The following LENG9 variants were observed in gnomAD, a reference collection of about 807,000 sequenced individuals.
LENG9 encodes leukocyte receptor cluster (LRC) member 9.
For synonymous variants in LENG9, 410 were observed against 303.9 expected, an observed-to-expected ratio of 1.35 and a Z score of -3.63; for missense variants, 872 against 652.7, an observed-to-expected ratio of 1.34 and a Z score of -3.66.
At position 54,463,567 on chromosome 19, in the gene LENG9, G is replaced by A; in HGVS notation, c.-41C>T. 2.2e-6 allele frequency: 3 copies of A among 1,370,594 alleles called. No individual in the cohort carries two copies. The highest frequency in any genetic ancestry group is 1.9e-6 in the Non-Finnish European group (2 of 1,056,734). The allele number at this position is 1,370,594 out of a possible 1,614,324, so 84.9% of individuals were successfully genotyped here. On this transcript the variant is annotated 5_prime_UTR_variant, in exon 1 of 1. Coordinates refer to ENST00000611161, the MANE Select transcript of LENG9 (RefSeq NM_001301782.2). ...GCACGCCCGCCGCGCAGACGAGGTC[G>A]CCCCGCACGGAGGGCGGCTCCCCTT...
At position 54,462,685 on chromosome 19, in the gene LENG9, T is replaced by A. The variant is rs757843240; in HGVS notation, c.842A>T (p.Glu281Val). The A allele has an allele frequency of 1.2e-6, 2 of 1,611,524 alleles. No individual in the cohort carries two copies. The highest frequency in any genetic ancestry group is 1.7e-6 in the Non-Finnish European group (2 of 1,179,984). ...EAEWGPAAWPEDKRARLSVAA... is the reference protein window; with the variant it reads ...EAEWGPAAWPVDKRARLSVAA... ...AACACTAAGGCGGGCCCTTTTGTCC[T>A]CGGGCCAGGCCGCAGGACCCCACTC... is the stretch of plus-strand genomic sequence containing the variant. Residue 281 changes from glutamate to valine, a missense_variant, in exon 1 of 1, where the codon GAG becomes GTG. Physicochemically the swap from Glu to Val is moderately radical, Grantham distance 121. Transcript: ENST00000611161.
At position 54,463,588 on chromosome 19, in the gene LENG9, C is replaced by A; in HGVS notation, c.-62G>T. On this transcript the variant is annotated 5_prime_UTR_variant, in exon 1 of 1. Coordinates refer to ENST00000611161, the MANE Select transcript of LENG9 (RefSeq NM_001301782.2). ...GGTCGCCCCGCACGGAGGGCGGCTC[C>A]CCTTGGATGCACCGAGCCTCACCCG... The A allele has an allele frequency of 1.5e-6, 2 of 1,332,856 alleles. No homozygotes were observed. The highest frequency in any genetic ancestry group is 1.8e-5 in the South Asian group (1 of 56,160). The allele number at this position is 1,332,856 out of a possible 1,614,324, so 82.6% of individuals were successfully genotyped here.
In LENG9 at chr19:54,462,282, T is replaced by C. The variant is rs768517227; in HGVS notation, c.1245A>G (p.Leu415=). The change falls in exon 1 of 1, where the codon CTA becomes CTG. Residue 415 remains leucine, a synonymous_variant. Transcript: ENST00000611161. ...QRLEAEGLST[L]QSPGQLHPHL... Reference sequence around the variant, plus strand: ...GGGGGTGCAGCTGCCCTGGAGACTGTAGTGTACTCAGCCCCTCGGCTTCCA... The same window carrying C: ...GGGGGTGCAGCTGCCCTGGAGACTGCAGTGTACTCAGCCCCTCGGCTTCCA... The C allele has an allele frequency of 1.9e-6, 3 of 1,606,024 alleles. No homozygotes were observed. The highest frequency in any genetic ancestry group is 2.7e-5 in the African/African-American group (2 of 74,814).
In LENG9 at chr19:54,463,636, C is replaced by G. The variant is rs575095239; in HGVS notation, c.-110G>C. 1.0e-4 allele frequency: 128 copies of G among 1,255,028 alleles called. 1 individual carries two copies. In the Admixed American group the frequency reaches 1.7e-3, roughly 17 times the overall value. 77.7% of individuals were successfully genotyped at this position (1,255,028 alleles called of 1,614,324 possible). On this transcript the variant is annotated 5_prime_UTR_variant, in exon 1 of 1. Coordinates refer to ENST00000611161, the MANE Select transcript of LENG9 (RefSeq NM_001301782.2). ...CCGACAGTGGCGTCAGCGGCCCGCG[C>G]TCCGGCCTAGCTCTGGGGACCACGC...
Position 54,462,532 on chromosome 19 carries a change from A to G in LENG9, c.995T>C (p.Leu332Pro). The G allele has an allele frequency of 6.2e-7, 1 of 1,613,590 alleles. No homozygotes were observed. Among genetic ancestry groups the G allele is most frequent in the African/African-American group, 1.3e-5 (1 of 75,050 alleles). ...VHVAPHCANFLVPSQNLHLTL... is the reference protein window; with the variant it reads ...VHVAPHCANFPVPSQNLHLTL... ...CAGGTGTAGGTTCTGAGAGGGCACT[A>G]GGAAGTTGGCGCAGTGTGGGGCCAC... The change falls in exon 1 of 1, where the codon CTA becomes CCA. Residue 332 changes from leucine (L) to proline (P), a missense_variant. Physicochemically the swap from Leu to Pro is moderately conservative, Grantham distance 98. Coordinates refer to ENST00000611161, the MANE Select transcript of LENG9 (RefSeq NM_001301782.2).
In LENG9 at chr19:54,462,514, A is replaced by G; in HGVS notation, c.1013T>C (p.Leu338Pro). The change falls in exon 1 of 1, where the codon CTA becomes CCA. Residue 338 changes from leucine (L) to proline (P), a missense_variant. Coordinates refer to ENST00000611161, the MANE Select transcript of LENG9 (RefSeq NM_001301782.2). ...TCGCAGCAGGGCCAGGGTCAGGTGT[A>G]GGTTCTGAGAGGGCACTAGGAAGTT... Reference protein sequence around the residue: ...CANFLVPSQNLHLTLALLRLA... With the variant: ...CANFLVPSQNPHLTLALLRLA... 6.2e-7 allele frequency: 1 copy of G among 1,613,512 alleles called. No homozygotes were observed. The highest frequency in any genetic ancestry group is 1.1e-5 in the South Asian group (1 of 91,086).
In LENG9 at chr19:54,461,929, CCTT is replaced by C. The variant is rs2084590970; in HGVS notation, c.*158_*160del. The C allele has an allele frequency of 1.1e-6, 1 of 948,946 alleles. No homozygotes were observed. The highest frequency in any genetic ancestry group is 1.6e-5 in the African/African-American group (1 of 61,854). The allele number at this position is 948,946 out of a possible 1,614,324, so 58.8% of individuals were successfully genotyped here. On this transcript the variant is annotated 3_prime_UTR_variant, in exon 1 of 1. Coordinates refer to ENST00000611161, the MANE Select transcript of LENG9 (RefSeq NM_001301782.2). Reference sequence around the variant, plus strand: ...GCCTCCCCTTCCCCTCCTCTCCCCTCCTTTTCCTTCCTTCCTTCCTTTCCTTGG... The same window carrying C: ...GCCTCCCCTTCCCCTCCTCTCCCCTCTTCCTTCCTTCCTTCCTTTCCTTGG...
At position 54,463,376 on chromosome 19, in the gene LENG9, G is replaced by T; in HGVS notation, c.151C>A (p.Arg51Ser). 7.7e-7 allele frequency: 1 copy of T among 1,303,922 alleles called. No homozygotes were observed. Among genetic ancestry groups the T allele is most frequent in the Non-Finnish European group, 9.7e-7 (1 of 1,029,836 alleles). 80.8% of individuals were successfully genotyped at this position (1,303,922 alleles called of 1,614,324 possible). ...PHPGAPAPPG[R>S]EAQPEAGAKK... ...GCCCCGGCCTCCGGCTGCGCCTCGC[G>T]GCCAGGCGGCGCCGGCGCCCCAGGG... Residue 51 changes from arginine (R) to serine (S), a missense_variant, in exon 1 of 1, where the codon CGC (arginine) becomes AGC (serine). By Grantham distance (110) the Arg-to-Ser change is moderately radical. Coordinates refer to ENST00000611161, the MANE Select transcript of LENG9 (RefSeq NM_001301782.2).
At position 54,462,473 on chromosome 19, in the gene LENG9, C is replaced by T. The variant is rs35752413; in HGVS notation, c.1054G>A (p.Glu352Lys). Residue 352 changes from glutamate (E) to lysine (K), a missense_variant, in exon 1 of 1, where the codon GAG (glutamate) becomes AAG (lysine). Coordinates refer to ENST00000611161, the MANE Select transcript of LENG9 (RefSeq NM_001301782.2). ...AGAGCTCCAATGGCAGCGGCCTCCT[C>T]CCCAGCGCCTGCCAGTCGCAGCAGG... The part of the protein sequence containing the change: ...LALLRLAGAG[E>K]EAAAIGALRR... 15,835 of 1,613,422 alleles carry T rather than the reference C, an allele frequency of 9.8e-3. 100 individuals are homozygous for T. Among genetic ancestry groups the T allele is most frequent in the Non-Finnish European group, 0.012 (14,351 of 1,180,010 alleles).
In LENG9 at chr19:54,462,194, G is replaced by C. The variant is rs747723459; in HGVS notation, c.1333C>G (p.Leu445Val). The change falls in exon 1 of 1, where the codon CTC becomes GTC. Residue 445 changes from leucine (L) to valine (V), a missense_variant. Leu to Val is a conservative substitution (Grantham distance 32, BLOSUM62 1). Transcript: ENST00000611161. ...GGCTGGCACCCCACTTCCTGGCTGAGGGTGAACTCCAGCTTGGGGAGGTGG... is the reference window on the plus strand; with the variant it reads ...GGCTGGCACCCCACTTCCTGGCTGACGGTGAACTCCAGCTTGGGGAGGTGG... ...QVHLPKLEFT[L>V]SQEVGCQPLQ... The C allele has an allele frequency of 1.2e-6, 2 of 1,613,532 alleles. No individual in the cohort carries two copies.
Position 54,463,062 on chromosome 19 carries a change from C to A in LENG9, c.465G>T (p.Gly155=). Residue 155 remains glycine (G), a synonymous_variant, in exon 1 of 1, where the codon GGG becomes GGT. Coordinates refer to ENST00000611161, the MANE Select transcript of LENG9 (RefSeq NM_001301782.2). ...VFGSGSAAGR[G]PTILDAPNTE... is the part of the protein sequence containing the mutation. Reference sequence around the variant, plus strand: ...TGTTCGGTGCGTCCAGGATGGTGGGCCCGCGTCCCGCCGCCGAGCCAGAGC... The same window carrying A: ...TGTTCGGTGCGTCCAGGATGGTGGGACCGCGTCCCGCCGCCGAGCCAGAGC... 1 of 1,601,494 alleles carries A rather than the reference C, an allele frequency of 6.2e-7. No individual in the cohort carries two copies.
Position 54,462,265 on chromosome 19 carries a change from A to G in LENG9, c.1262T>C (p.Leu421Pro), listed in dbSNP as rs2084607077. The part of the protein sequence containing the change: ...GLSTLQSPGQ[L>P]HPHLTVAKVP... Reference sequence around the variant, plus strand: ...CTTGGCCACGGTGAGGTGGGGGTGCAGCTGCCCTGGAGACTGTAGTGTACT... The same window carrying G: ...CTTGGCCACGGTGAGGTGGGGGTGCGGCTGCCCTGGAGACTGTAGTGTACT... Residue 421 changes from leucine (L) to proline (P), a missense_variant, in exon 1 of 1, where the codon CTG (leucine) becomes CCG (proline). Coordinates refer to ENST00000611161, the MANE Select transcript of LENG9 (RefSeq NM_001301782.2). 6.2e-7 allele frequency: 1 copy of G among 1,609,918 alleles called. No homozygotes were observed.
rs1007667647 is a variant in LENG9 at position 54,462,917 on chromosome 19, C to T, written c.610G>A (p.Gly204Ser). ...RPLCTGHQEP[G>S]VEEPGELEAA... ...TCCAGCTCTCCGGGTTCCTCCACGC[C>T]TGGTTCCTGGTGCCCTGTGCAGAGC... is the stretch of plus-strand genomic sequence containing the variant. The change falls in exon 1 of 1, where the codon GGC (glycine) becomes AGC (serine). Residue 204 changes from glycine to serine, a missense_variant. Gly to Ser is a moderately conservative substitution (Grantham distance 56). Coordinates refer to ENST00000611161, the MANE Select transcript of LENG9 (RefSeq NM_001301782.2). 8 of 1,612,516 alleles carry T rather than the reference C, an allele frequency of 5.0e-6. No homozygotes were observed. Among genetic ancestry groups the T allele is most frequent in the Admixed American group, 3.3e-5 (2 of 60,022 alleles).
chr19:54,463,712 G>T lies in LENG9; in HGVS notation c.-186C>A. On this transcript the variant is annotated 5_prime_UTR_variant, in exon 1 of 1. Transcript: ENST00000611161. ...CCAGTCCCTCCTTGGTGGAGAGCCTGACACCGCTGCTCTGGGACTTCCCGG... is the reference window on the plus strand; with the variant it reads ...CCAGTCCCTCCTTGGTGGAGAGCCTTACACCGCTGCTCTGGGACTTCCCGG... 1 of 767,206 alleles carries T rather than the reference G, an allele frequency of 1.3e-6. No individual in the cohort carries two copies. The allele number at this position is 767,206 out of a possible 1,614,324, so 47.5% of individuals were successfully genotyped here.
chr19:54,463,326 G>A lies in LENG9; in HGVS notation c.201C>T (p.Ala67=), dbSNP rs566743856. Residue 67 remains alanine (A), a synonymous_variant, in exon 1 of 1, where the codon GCC becomes GCT. Transcript: ENST00000611161. ...AGCGGATGCGCTGGATGACGTCCGC[G>A]GCTGTGCGCAGCGGCGGCTTCTTGG... is the stretch of plus-strand genomic sequence containing the variant. The part of the protein sequence containing the change: ...AGAKKPPLRT[A]ADVIQRIRWD... The A allele has an allele frequency of 1.3e-6, 2 of 1,501,980 alleles. No individual in the cohort carries two copies. The highest frequency in any genetic ancestry group is 1.8e-6 in the Non-Finnish European group (2 of 1,131,118). The allele number at this position is 1,501,980 out of a possible 1,614,324, so 93.0% of individuals were successfully genotyped here. A position where few individuals can be genotyped will look rare whatever the true frequency, so the allele number is the denominator to read the frequency against.
Position 54,461,906 on chromosome 19 carries a change from C to T in LENG9, c.*184G>A, listed in dbSNP as rs2084589037. On this transcript the variant is annotated 3_prime_UTR_variant, in exon 1 of 1. Transcript: ENST00000611161. ...TTTTTTCCAGATGTTCCTCCTCTGC[C>T]TCCCCTTCCCCTCCTCTCCCCTCCT... The T allele has an allele frequency of 1.2e-5, 10 of 847,736 alleles. No individual in the cohort carries two copies. Among genetic ancestry groups the T allele is most frequent in the African/African-American group, 1.7e-5 (1 of 60,078 alleles). The allele number at this position is 847,736 out of a possible 1,614,324, so 52.5% of individuals were successfully genotyped here. A position where few individuals can be genotyped will look rare whatever the true frequency, so the allele number is the denominator to read the frequency against.
rs745887459 is a variant in LENG9 at position 54,462,479 on chromosome 19, C to A, written c.1048G>T (p.Ala350Ser). The change falls in exon 1 of 1, where the codon GCT becomes TCT. Residue 350 changes from alanine to serine, a missense_variant. Physicochemically the swap from Ala to Ser is moderately conservative, Grantham distance 99. Transcript: ENST00000611161. ...CCAATGGCAGCGGCCTCCTCCCCAGCGCCTGCCAGTCGCAGCAGGGCCAGG... is the reference window on the plus strand; with the variant it reads ...CCAATGGCAGCGGCCTCCTCCCCAGAGCCTGCCAGTCGCAGCAGGGCCAGG... ...LTLALLRLAGAGEEAAAIGAL... is the reference protein window; with the variant it reads ...LTLALLRLAGSGEEAAAIGAL... 9 of 1,613,426 alleles carry A rather than the reference C, an allele frequency of 5.6e-6. No homozygotes were observed. The South Asian group carries it at 6.6e-5, about 12-fold the overall frequency.
rs1467755472 is a variant in LENG9 at position 54,462,978 on chromosome 19, C to A, written c.549G>T (p.Glu183Asp). 1 of 1,606,742 alleles carries A rather than the reference C, an allele frequency of 6.2e-7. No homozygotes were observed. Among genetic ancestry groups the A allele is most frequent in the South Asian group, 1.1e-5 (1 of 91,008 alleles). The change falls in exon 1 of 1, where the codon GAG becomes GAT. Residue 183 changes from glutamate to aspartate, a missense_variant. Physicochemically the swap from Glu to Asp is conservative, Grantham distance 45. Transcript: ENST00000611161. Reference protein sequence around the residue: ...AEWTLAGTGQEAQAAPKRGST... With the variant: ...AEWTLAGTGQDAQAAPKRGST... ...TCCCTCGCTTGGGGGCAGCCTGGGC[C>A]TCCTGACCTGTCCCCGCCAGTGTCC...
Position 54,462,217 on chromosome 19 carries a change from T to C in LENG9, c.1310A>G (p.His437Arg). Residue 437 changes from histidine (H) to arginine (R), a missense_variant, in exon 1 of 1, where the codon CAC becomes CGC. Physicochemically the swap from His to Arg is conservative, Grantham distance 29 (BLOSUM62 0). Coordinates refer to ENST00000611161, the MANE Select transcript of LENG9 (RefSeq NM_001301782.2). ...GAGGGTGAACTCCAGCTTGGGGAGG[T>C]GGACCTGGGAACCATGGGGCACCTT... ...VAKVPHGSQV[H>R]LPKLEFTLSQ... 2 of 1,613,154 alleles carry C rather than the reference T, an allele frequency of 1.2e-6. No homozygotes were observed. Among genetic ancestry groups the C allele is most frequent in the Admixed American group, 3.3e-5 (2 of 59,948 alleles).
Sources: allele counts gnomAD v4.1 joint callset, GRCh38; gene constraint gnomAD v4.1.1; transcripts MANE v1.5; gene names NCBI Gene and HGNC (gene_info 2026-07-23, HGNC 2026-07-21).